Variants in FAM13B observed in about 807,000 individuals in gnomAD.
FAM13B encodes the protein family with sequence similarity 13 member B.
FAM13B carries 60 observed loss-of-function variants against 117.3 expected under a neutral mutation model. The ratio of observed to expected loss-of-function variants is 0.51; its 90% CI spans 0.42 to 0.63. The LOEUF is 0.63. Ranked by LOEUF, FAM13B falls within the 30% of genes least tolerant of loss-of-function variation. The probability of loss-of-function intolerance (pLI) is 0.00; values close to 1 mark genes in which losing one functional copy is unlikely to be tolerated. For synonymous variants in FAM13B, 332 were observed against 356.1 expected, an observed-to-expected ratio of 0.93 and a Z score of 0.76; for missense variants, 972 against 1,091.9, an observed-to-expected ratio of 0.89 and a Z score of 1.55.
At chr5:138,015,477 C>T (rs1355767648) in intron 4 of FAM13B, among the ~76,000 whole-genome samples, 3 of 152,080 alleles carry the variant, frequency 2.0e-5, no homozygotes, top group Non-Finnish European at 2.9e-5. Flanking sequence ...CCAAGGTGGG[C>T]AGATCACTTG....
In FAM13B at chr5:137,954,247, C is replaced by T. The variant is rs916493185; in HGVS notation, c.1637G>A (p.Ser546Asn). ...ACGCTGGCTTTGACCAAAATCTAAA[C>T]TGCGGTGTGATAATACTGGAGGACA... Reference protein sequence around the residue: ...EDCPPVLSHRSLDFGQSQRFL... With the variant: ...EDCPPVLSHRNLDFGQSQRFL... Residue 546 changes from serine to asparagine, a missense_variant, in exon 15 of 24, where the codon AGT becomes AAT. By Grantham distance (46) the Ser-to-Asn change is conservative (BLOSUM62 1). Transcript: ENST00000689681. 4 of 1,613,914 alleles carry T rather than the reference C, an allele frequency of 2.5e-6. No individual in the cohort carries two copies. The African/African-American group carries it at 5.3e-5, about 22-fold the overall frequency.
At chr5:137,950,686 CTT>C (rs952558280) in intron 17 of FAM13B, among the ~76,000 whole-genome samples, 1 of 151,882 alleles carries the variant, frequency 6.6e-6, no homozygotes, top group Non-Finnish European at 1.5e-5. Flanking sequence ...GCTAACATGA[CTT>C]TTTTAAAGAT....
chr5:138,014,701 G>C (rs1784855374), intron 4 of FAM13B, among the ~76,000 whole-genome samples: 1 of 152,216 alleles, frequency 6.6e-6, no homozygotes, highest in African/African-American at 2.4e-5. Context: ...TTTGACTTGA[G>C]GTGGTAAGCT....
chr5:137,941,310 T>C (rs1049949539), intron 23 of FAM13B, among the ~76,000 whole-genome samples: 3 of 152,316 alleles, frequency 2.0e-5, no homozygotes, highest in Admixed American at 6.5e-5. Flanking sequence ...ATATTAGCTA[T>C]CAGCTTGGTA....
At position 137,985,371 on chromosome 5, in the gene FAM13B, A is replaced by T; in HGVS notation, c.1065T>A (p.Asp355Glu). 1 of 1,613,844 alleles carries T rather than the reference A, an allele frequency of 6.2e-7. No homozygotes were observed. Among genetic ancestry groups the T allele is most frequent in the Non-Finnish European group, 8.5e-7 (1 of 1,179,946 alleles). Residue 355 changes from aspartate (D) to glutamate (E), a missense_variant, in exon 10 of 24, where the codon GAT becomes GAA. Transcript: ENST00000689681. ...TGTTACTTTCACTGGCATTAATAATATCATCAGCAATATCAATCCTAGGGA... is the reference window on the plus strand; with the variant it reads ...TGTTACTTTCACTGGCATTAATAATTTCATCAGCAATATCAATCCTAGGGA... ...GSNNQIDIADDIINASESNRD... is the reference protein window; with the variant it reads ...GSNNQIDIADEIINASESNRD...
chr5:138,043,755 T>A (rs1330814195), intron 1 of FAM13B, among the ~76,000 whole-genome samples: 1 of 152,110 alleles, frequency 6.6e-6, no homozygotes, highest in African/African-American at 2.4e-5. Context: ...TTTCTTTTTT[T>A]AACAGAAATG....
chr5:138,007,917 A>C (rs1782956038), intron 6 of FAM13B, among the ~76,000 whole-genome samples: 1 of 152,264 alleles, frequency 6.6e-6, no homozygotes, highest in Non-Finnish European at 1.5e-5. Context: ...TAGTCATTAA[A>C]GACTCTGAGC....
At chr5:137,974,745 T>C (rs1224146366) in intron 10 of FAM13B, among the ~76,000 whole-genome samples, 2 of 152,042 alleles carry the variant, frequency 1.3e-5, no homozygotes, top group Non-Finnish European at 1.5e-5. Context: ...ACATTATCTT[T>C]TATGTCTAAA....
At chr5:138,044,616 C>T (rs2151129744) in intron 1 of FAM13B, among the ~76,000 whole-genome samples, 1 of 151,070 alleles carries the variant, frequency 6.6e-6, no homozygotes, top group South Asian at 2.1e-4. Flanking sequence ...AAAACACAAC[C>T]TTTTCACGGT....
At chr5:137,991,145 T>A (rs1331286552) in intron 7 of FAM13B, among the ~76,000 whole-genome samples, 1 of 152,184 alleles carries the variant, frequency 6.6e-6, no homozygotes, top group East Asian at 1.9e-4. Context: ...ATAAACTGTA[T>A]AAGAACACCT....
intron 10 of FAM13B, among the ~76,000 whole-genome samples, chr5:137,974,992 A>G (rs954204884): frequency 2.6e-5 from 4 of 152,212 alleles, no homozygotes; most frequent in African/African-American, 9.7e-5. Flanking sequence ...AGCCATGCTC[A>G]TTTCTTACGG....
At chr5:137,988,697 T>G (rs1042624692) in intron 7 of FAM13B, among the ~76,000 whole-genome samples, 6 of 152,194 alleles carry the variant, frequency 3.9e-5, no homozygotes, top group Non-Finnish European at 7.3e-5. Context: ...GCCAAATGCA[T>G]ATGGCCATGG....
intron 10 of FAM13B, among the ~76,000 whole-genome samples, 197 bp downstream of exon 10, chr5:137,985,060 C>T (rs1382838872): frequency 6.6e-6 from 1 of 152,224 alleles, no homozygotes; most frequent in Non-Finnish European, 1.5e-5. Context: ...TGAGCCACCA[C>T]ACCCAGCCAA....
chr5:138,032,515 C>T (rs1392064917), intron 1 of FAM13B, among the ~76,000 whole-genome samples: 1 of 152,190 alleles, frequency 6.6e-6, no homozygotes, highest in African/African-American at 2.4e-5. Context: ...AGGGGCACGC[C>T]CGCTCAACTG....
chr5:137,949,166 G>T lies in FAM13B; in HGVS notation c.1949C>A (p.Ser650Tyr). 2 of 1,614,006 alleles carry T rather than the reference G, an allele frequency of 1.2e-6. No individual in the cohort carries two copies. The highest frequency in any genetic ancestry group is 8.5e-7 in the Non-Finnish European group (1 of 1,179,990). Reference sequence around the variant, plus strand: ...TGTCTGAGGTACAAATTCTCCATCAGAATTTTTGTGTTTTGCATCTACATG... The same window carrying T: ...TGTCTGAGGTACAAATTCTCCATCATAATTTTTGTGTTTTGCATCTACATG... ...KQIKDAKHKN[S>Y]DGEFVPQTRP... Residue 650 changes from serine (S) to tyrosine (Y), a missense_variant, in exon 18 of 24, where the codon TCT becomes TAT. Physicochemically the swap from Ser to Tyr is moderately radical, Grantham distance 144 (BLOSUM62 -2). Coordinates refer to ENST00000689681, the MANE Select transcript of FAM13B (RefSeq NM_001385994.1).
At chr5:138,018,592 T>G in intron 3 of FAM13B, 78 bp from the exon 4 acceptor site, 1 of 1,325,984 alleles carries the variant, frequency 7.5e-7, no homozygotes, top group Non-Finnish European at 1.1e-6. Context: ...TCCAATTAAC[T>G]TAAAATACTC....
Position 138,033,008 on chromosome 5 carries a change from G to A in FAM13B, c.-429C>T, listed in dbSNP as rs1790579652. 1.0e-6 allele frequency: 1 copy of A among 987,382 alleles called. No homozygotes were observed. Among genetic ancestry groups the A allele is most frequent in the African/African-American group, 1.7e-5 (1 of 57,384 alleles). The allele number at this position is 987,382 out of a possible 1,614,324, so 61.2% of individuals were successfully genotyped here. A position where few individuals can be genotyped will look rare whatever the true frequency, so the allele number is the denominator to read the frequency against. On this transcript the variant is annotated 5_prime_UTR_variant, in exon 1 of 24. Transcript: ENST00000689681. Reference sequence around the variant, plus strand: ...GGTGGCGACGCAGACGCGGAACAGGGGGAGAGAGTGGCGACAGAGGCGGCG... The same window carrying A: ...GGTGGCGACGCAGACGCGGAACAGGAGGAGAGAGTGGCGACAGAGGCGGCG...
chr5:138,030,071 G>A (rs2151069567), intron 1 of FAM13B, among the ~76,000 whole-genome samples: 1 of 152,220 alleles, frequency 6.6e-6, no homozygotes, highest in African/African-American at 2.4e-5. Flanking sequence ...CTCAGCCTAG[G>A]TCTTTTATAC....
chr5:137,969,438 T>A (rs1771291741), intron 10 of FAM13B, among the ~76,000 whole-genome samples: 1 of 152,156 alleles, frequency 6.6e-6, no homozygotes, highest in African/African-American at 2.4e-5. Flanking sequence ...AGAAAGGACA[T>A]CCACACCAAA....
Sources: allele counts gnomAD v4.1 joint callset (sites outside exome capture counted in the v4.1 genomes callset), GRCh38; gene constraint gnomAD v4.1.1; transcripts MANE v1.5; gene names NCBI Gene and HGNC (gene_info 2026-07-23, HGNC 2026-07-21).